The following TRAF3IP1 variants were observed in gnomAD, a reference collection of about 807,000 sequenced individuals.
TRAF3IP1 encodes the protein intraflagellar transport 54.
TRAF3IP1 carries 53 observed loss-of-function variants against 89.9 expected under a neutral mutation model. The observed-to-expected ratio is 0.59, with a 90% CI of 0.47 to 0.74. TRAF3IP1 has a LOEUF of 0.74. TRAF3IP1 is among the 30% of genes least tolerant of loss of function. TRAF3IP1 has a pLI of 0.00. For missense variants in TRAF3IP1, 806 were observed against 866.1 expected (o/e 0.93, Z 0.87); for synonymous variants, 311 against 322.1 (o/e 0.97, Z 0.37).
Position 238,398,969 on chromosome 2 carries a change from A to G in TRAF3IP1, c.*50A>G. 1 of 1,501,410 alleles carries G rather than the reference A, an allele frequency of 6.7e-7. No homozygotes were observed. The highest frequency in any genetic ancestry group is 1.4e-5 in the African/African-American group (1 of 71,342). 93.0% of individuals were successfully genotyped at this position (1,501,410 alleles called of 1,614,324 possible). ...AAGTCACCTCAGTTTAAAAGCAAAA[A>G]GGAAGATAGAAAATCATTACTCTTT... On this transcript the variant is annotated 3_prime_UTR_variant, in exon 17 of 17. Transcript: ENST00000373327.
At chr2:238,342,803 A>C (rs1479984657) in intron 8 of TRAF3IP1, among the ~76,000 whole-genome samples, 2 of 152,198 alleles carry the variant, frequency 1.3e-5, no homozygotes, top group Admixed American at 1.3e-4. Flanking sequence ...TCACAGATTG[A>C]TAAAAATGTC....
chr2:238,354,452 T>C lies in TRAF3IP1; in HGVS notation c.1612+1243T>C, dbSNP rs76988311. On this transcript the variant is annotated intron_variant, in intron 14 of 16. Transcript: ENST00000373327. ...CGATTTAGGATTGTAGGGTTTTGCC[T>C]GCATTCTTTGGTTTTATATATGCAT... Among the ~76,000 whole-genome samples, 781 of 152,314 alleles carry C rather than the reference T, an allele frequency of 5.1e-3. 4 individuals are homozygous for C. Among genetic ancestry groups the C allele is most frequent in the African/African-American group, 0.018 (739 of 41,568 alleles).
intron 7 of TRAF3IP1, among the ~76,000 whole-genome samples, chr2:238,335,564 C>T (rs1698343941): frequency 6.6e-6 from 1 of 152,018 alleles, no homozygotes; most frequent in Non-Finnish European, 1.5e-5. Flanking sequence ...CTTCATGACT[C>T]AAGAATTCCA....
At chr2:238,382,044 A>G (rs1461994910) in intron 15 of TRAF3IP1, among the ~76,000 whole-genome samples, 1 of 152,194 alleles carries the variant, frequency 6.6e-6, no homozygotes, top group Admixed American at 6.5e-5. Flanking sequence ...ACACAACAGA[A>G]TAAGCAACCA....
At chr2:238,347,124 C>CGCTT (rs1559368005) in intron 9 of TRAF3IP1, 4 of 277,298 alleles carry the variant, frequency 1.4e-5, no homozygotes, top group African/African-American at 8.9e-5. Flanking sequence ...CATTTGGATG[C>CGCTT]ACTTTTTCTG....
Position 238,399,714 on chromosome 2 carries a change from C to G in TRAF3IP1, c.*795C>G, listed in dbSNP as rs772568644. The G allele has an allele frequency of 6.6e-6, 1 of 152,144 alleles. No homozygotes were observed. Among genetic ancestry groups the G allele is most frequent in the African/African-American group, 2.4e-5 (1 of 41,424 alleles). The allele number at this position is 152,144 out of a possible 1,614,324, so 9.4% of individuals were successfully genotyped here. A position where few individuals can be genotyped will look rare whatever the true frequency, so the allele number is the denominator to read the frequency against. ...GTCCTTGTTCTCCTTAAGAGGGTCTCGCTCTGCAAAGCATTGGCGCCATGG... is the reference window on the plus strand; with the variant it reads ...GTCCTTGTTCTCCTTAAGAGGGTCTGGCTCTGCAAAGCATTGGCGCCATGG... On this transcript the variant is annotated 3_prime_UTR_variant, in exon 17 of 17. Transcript: ENST00000373327.
chr2:238,385,833 GCAC>G (rs1433589881), intron 15 of TRAF3IP1, among the ~76,000 whole-genome samples: 11 of 152,160 alleles, frequency 7.2e-5, no homozygotes, highest in African/African-American at 2.7e-4. Flanking sequence ...TGGCCTTCTT[GCAC>G]CGCTGTTTTT....
intron 7 of TRAF3IP1, among the ~76,000 whole-genome samples, chr2:238,336,631 C>T (rs13418046): frequency 0.11 from 16,901 of 152,096 alleles, 1,547 homozygotes; most frequent in African/African-American, 0.25. Context: ...CTAAGTAGTG[C>T]ATACAGAGCT....
In TRAF3IP1 at chr2:238,332,872, A is replaced by G; in HGVS notation, c.964A>G (p.Lys322Glu). 6.2e-7 allele frequency: 1 copy of G among 1,613,074 alleles called. No individual in the cohort carries two copies. Among genetic ancestry groups the G allele is most frequent in the Non-Finnish European group, 8.5e-7 (1 of 1,179,238 alleles). ...MSKKLSDGTF[K>E]DSKAETETEI... is the part of the protein sequence containing the mutation. The stretch of plus-strand genomic sequence containing the variant: ...TAAAAAGTTATCAGATGGAACTTTT[A>G]AAGACTCCAAGGCTGAAACAGAGGT... Residue 322 changes from lysine to glutamate, a missense_variant, in exon 6 of 17, where the codon AAA (lysine) becomes GAA (glutamate). Coordinates refer to ENST00000373327, the MANE Select transcript of TRAF3IP1 (RefSeq NM_015650.4).
rs752018069 is a variant in TRAF3IP1, at chr2:238,399,145, C to T, written c.*226C>T. On this transcript the variant is annotated 3_prime_UTR_variant, in exon 17 of 17. Coordinates refer to ENST00000373327, the MANE Select transcript of TRAF3IP1 (RefSeq NM_015650.4). ...TGGAATACTGGCTAGTTATAAATAGCGCTTCCAAACACCTCTGTGAAAAGT... is the reference window on the plus strand; with the variant it reads ...TGGAATACTGGCTAGTTATAAATAGTGCTTCCAAACACCTCTGTGAAAAGT... 1.1e-4 allele frequency: 47 copies of T among 424,422 alleles called. No homozygotes were observed. The highest frequency in any genetic ancestry group is 5.9e-4 in the African/African-American group (29 of 49,200). The allele number at this position is 424,422 out of a possible 1,614,324, so 26.3% of individuals were successfully genotyped here. A position where few individuals can be genotyped will look rare whatever the true frequency, so the allele number is the denominator to read the frequency against.
At chr2:238,326,423 G>A (rs576806619) in intron 3 of TRAF3IP1, among the ~76,000 whole-genome samples, 1 of 151,898 alleles carries the variant, frequency 6.6e-6, no homozygotes, top group Non-Finnish European at 1.5e-5. Flanking sequence ...CCAGCCTCTG[G>A]TGTCTGCTTG....
Position 238,320,685 on chromosome 2 carries a change from G to C in TRAF3IP1, c.23G>C (p.Arg8Pro). The C allele has an allele frequency of 7.1e-7, 1 of 1,415,624 alleles. No individual in the cohort carries two copies. Among genetic ancestry groups the C allele is most frequent in the East Asian group, 3.3e-5 (1 of 30,378 alleles). 87.7% of individuals were successfully genotyped at this position (1,415,624 alleles called of 1,614,324 possible). A position where few individuals can be genotyped will look rare whatever the true frequency, so the allele number is the denominator to read the frequency against. MNAAVVR[R>P]TQEALGKVIR... ...GTCATGAACGCGGCGGTGGTGAGGC[G>C]GACGCAGGAGGCGCTGGGGAAAGTG... Residue 8 changes from arginine to proline, a missense_variant, in exon 1 of 17, where the codon CGG (arginine) becomes CCG (proline). Physicochemically the swap from Arg to Pro is moderately radical, Grantham distance 103. Transcript: ENST00000373327.
chr2:238,332,154 A>G (rs954496161), intron 5 of TRAF3IP1, among the ~76,000 whole-genome samples: 1 of 152,180 alleles, frequency 6.6e-6, no homozygotes, highest in Non-Finnish European at 1.5e-5. Flanking sequence ...TAATTAACTT[A>G]TGAGGACATT....
chr2:238,354,802 C>T (rs992681889), intron 14 of TRAF3IP1, among the ~76,000 whole-genome samples: 2 of 152,052 alleles, frequency 1.3e-5, no homozygotes, highest in Admixed American at 6.6e-5. Flanking sequence ...AGGCGCCCAC[C>T]ACCACACCCA....
At chr2:238,323,575 T>C (rs1697667770) in intron 1 of TRAF3IP1, among the ~76,000 whole-genome samples, 1 of 152,152 alleles carries the variant, frequency 6.6e-6, no homozygotes. Flanking sequence ...TGATGCAAAT[T>C]AAGGAGTTGT....
intron 15 of TRAF3IP1, among the ~76,000 whole-genome samples, chr2:238,393,225 G>A (rs1055179718): frequency 6.6e-6 from 1 of 152,080 alleles, no homozygotes. Flanking sequence ...TTTTATTTTA[G>A]CCATTCTGAT....
At chr2:238,396,165 G>A (rs1701206258) in intron 15 of TRAF3IP1, among the ~76,000 whole-genome samples, 3 of 152,242 alleles carry the variant, frequency 2.0e-5, no homozygotes, top group Non-Finnish European at 2.9e-5. Flanking sequence ...TTAAGAAAAT[G>A]TGGCATATAT....
intron 15 of TRAF3IP1, among the ~76,000 whole-genome samples, chr2:238,386,877 A>G (rs1233663747): frequency 6.6e-6 from 1 of 152,188 alleles, no homozygotes; most frequent in Non-Finnish European, 1.5e-5. Context: ...TCATCTTCCA[A>G]GGCCATTCAC....
intron 7 of TRAF3IP1, 115 bp from the exon 8 acceptor site, chr2:238,338,247 C>G: frequency 1.7e-6 from 1 of 584,302 alleles, no homozygotes; most frequent in Non-Finnish European, 2.9e-6. Flanking sequence ...ATTTAGTTGA[C>G]AAGACAGTTT....
Sources: allele counts gnomAD v4.1 joint callset (sites outside exome capture counted in the v4.1 genomes callset), GRCh38; gene constraint gnomAD v4.1.1; transcripts MANE v1.5; gene names NCBI Gene and HGNC (gene_info 2026-07-23, HGNC 2026-07-21).